The following SPAG16 variants were observed in gnomAD, a reference collection of about 807,000 sequenced individuals.
The protein encoded by SPAG16 is sperm associated antigen 16, also known as sperm-associated antigen 16 protein.
SPAG16 carries 86 observed loss-of-function variants against 80.4 expected under a neutral mutation model. That is an observed-to-expected ratio of 1.07 (90% confidence interval 0.90 to 1.28). The LOEUF is 1.28. Ranked by LOEUF, SPAG16 falls within the 50% of genes most tolerant of loss-of-function variation. The pLI is 0.00. For missense variants in SPAG16, 870 were observed against 765.3 expected (o/e 1.14, Z -1.61); for synonymous variants, 294 against 265.9 (o/e 1.11, Z -1.03).
chr2:213,837,807 A>G (rs1393267697), intron 10 of SPAG16, among the ~76,000 whole-genome samples: 1 of 152,160 alleles, frequency 6.6e-6, no homozygotes, highest in Admixed American at 6.5e-5. Context: ...GAGTCCATAT[A>G]AGAGAAAGAG....
intron 15 of SPAG16, among the ~76,000 whole-genome samples, chr2:214,338,371 G>A (rs977315205): frequency 2.6e-5 from 4 of 151,834 alleles, no homozygotes; most frequent in Non-Finnish European, 4.4e-5. Context: ...AAAATTAGTC[G>A]GGCATGGTGG....
At chr2:213,661,447 A>G (rs1040846133) in intron 10 of SPAG16, among the ~76,000 whole-genome samples, 6 of 152,200 alleles carry the variant, frequency 3.9e-5, no homozygotes, top group Non-Finnish European at 5.9e-5. Flanking sequence ...GTATTAAAGT[A>G]TTTGTATTTT....
chr2:213,426,885 G>C, intron 9 of SPAG16, among the ~76,000 whole-genome samples: 1 of 110,204 alleles, frequency 9.1e-6, no homozygotes, highest in African/African-American at 3.2e-5. Context: ...ACACACACAG[G>C]GCTACACTCT....
rs1162201771 is a variant in SPAG16 at position 213,980,450 on chromosome 2, CTA to C, written c.1401-33490_1401-33489del. ...TAGAATATATGTGTGTATATATATT[CTA>C]TATATATATAGAATATATGTGTGTA... On this transcript the variant is annotated intron_variant, in intron 12 of 15. Coordinates refer to ENST00000331683, the MANE Select transcript of SPAG16 (RefSeq NM_024532.5). Among the ~76,000 whole-genome samples, 12 of 31,736 alleles carry C rather than the reference CTA, an allele frequency of 3.8e-4. 1 individual carries two copies. Among genetic ancestry groups the C allele is most frequent in the South Asian group, 2.1e-3 (1 of 474 alleles). The allele number at this position is 31,736 out of a possible 152,430, so 20.8% of individuals were successfully genotyped here. A position where few individuals can be genotyped will look rare whatever the true frequency, so the allele number is the denominator to read the frequency against.
At chr2:214,351,132 G>A (rs6737326) in intron 15 of SPAG16, among the ~76,000 whole-genome samples, 44,549 of 151,926 alleles carry the variant, frequency 0.29, 9,956 homozygotes, top group African/African-American at 0.62. Context: ...TAATCCTTCC[G>A]TGACTAGAAA....
chr2:213,913,550 T>C (rs1173127582), intron 11 of SPAG16, among the ~76,000 whole-genome samples: 1 of 150,426 alleles, frequency 6.6e-6, no homozygotes, highest in East Asian at 1.9e-4. Flanking sequence ...ATATGTATTG[T>C]GTGTATCTCT....
intron 14 of SPAG16, among the ~76,000 whole-genome samples, chr2:214,139,488 T>A (rs1312213927): frequency 6.6e-6 from 1 of 152,120 alleles, no homozygotes; most frequent in Non-Finnish European, 1.5e-5. Flanking sequence ...TTCTCATTCA[T>A]CATATATTAA....
chr2:213,625,434 C>T (rs184986859), intron 10 of SPAG16, among the ~76,000 whole-genome samples: 13 of 151,974 alleles, frequency 8.6e-5, no homozygotes, highest in Admixed American at 4.6e-4. Context: ...ATATATATAC[C>T]GACTATGTAC....
chr2:213,998,340 C>A (rs565125503), intron 12 of SPAG16, among the ~76,000 whole-genome samples: 1 of 152,186 alleles, frequency 6.6e-6, no homozygotes, highest in East Asian at 1.9e-4. Flanking sequence ...TGGTTTCCCC[C>A]ATACTGTTCT....
intron 10 of SPAG16, among the ~76,000 whole-genome samples, chr2:213,548,024 A>G (rs899611991): frequency 1.9e-4 from 29 of 152,152 alleles, no homozygotes; most frequent in Admixed American, 9.2e-4. Context: ...GCAATCAATG[A>G]CCTATATTTA....
At chr2:213,638,017 A>G (rs1200545272) in intron 10 of SPAG16, among the ~76,000 whole-genome samples, 3 of 152,164 alleles carry the variant, frequency 2.0e-5, no homozygotes, top group African/African-American at 7.2e-5. Context: ...TTGGCCTCCC[A>G]GAGTGCTGGG....
chr2:213,841,332 A>G lies in SPAG16; in HGVS notation c.1071-21153A>G, dbSNP rs544995001. Among the ~76,000 whole-genome samples the G allele has an allele frequency of 2.0e-5, 3 of 152,314 alleles. No individual in the cohort carries two copies. In the East Asian group the frequency reaches 5.8e-4, roughly 29 times the overall value. The stretch of plus-strand genomic sequence containing the variant: ...GGCATGACATAAGGGTAGTTTGTAC[A>G]TGGTAGTGCCAGGAAAATAAGGGTT... On this transcript the variant is annotated intron_variant, in intron 10 of 15. Transcript: ENST00000331683.
At chr2:213,851,375 G>A (rs1269931880) in intron 10 of SPAG16, among the ~76,000 whole-genome samples, 3 of 152,138 alleles carry the variant, frequency 2.0e-5, no homozygotes, top group Non-Finnish European at 2.9e-5. Context: ...CGTGGTGGCG[G>A]TGGGTGCCTG....
At chr2:213,791,285 A>G (rs899891654) in intron 10 of SPAG16, among the ~76,000 whole-genome samples, 4 of 152,086 alleles carry the variant, frequency 2.6e-5, no homozygotes, top group Non-Finnish European at 5.9e-5. Flanking sequence ...AAAGAAAACT[A>G]AAGTTTGAAA....
intron 10 of SPAG16, among the ~76,000 whole-genome samples, chr2:213,847,640 A>G (rs1211045884): frequency 3.3e-5 from 5 of 152,198 alleles, no homozygotes; most frequent in African/African-American, 7.2e-5. Flanking sequence ...ACATTTCAAC[A>G]TGAGATTTGG....
intron 15 of SPAG16, among the ~76,000 whole-genome samples, chr2:214,372,639 T>A (rs1699894033): frequency 6.6e-6 from 1 of 152,224 alleles, no homozygotes; most frequent in Admixed American, 6.5e-5. Flanking sequence ...GAGGATTACA[T>A]GGATTTCAGA....
chr2:214,024,891 G>A (rs940783178), intron 13 of SPAG16, among the ~76,000 whole-genome samples: 2 of 151,604 alleles, frequency 1.3e-5, no homozygotes, highest in African/African-American at 4.8e-5. Flanking sequence ...GGAAACCCCA[G>A]TGGATTGCCT....
At chr2:214,254,451 A>G (rs1284988523) in intron 15 of SPAG16, among the ~76,000 whole-genome samples, 1 of 152,084 alleles carries the variant, frequency 6.6e-6, no homozygotes, top group Admixed American at 6.6e-5. Flanking sequence ...CTATTTTGAG[A>G]TACGTTCCGT....
intron 13 of SPAG16, among the ~76,000 whole-genome samples, chr2:214,048,854 A>G (rs927233867): frequency 6.6e-6 from 1 of 152,174 alleles, no homozygotes; most frequent in Non-Finnish European, 1.5e-5. Flanking sequence ...TAAAAAAGAA[A>G]CAAAAAAATC....
Sources: allele counts gnomAD v4.1 joint callset (sites outside exome capture counted in the v4.1 genomes callset), GRCh38; gene constraint gnomAD v4.1.1; transcripts MANE v1.5; gene names NCBI Gene and HGNC (gene_info 2026-07-23, HGNC 2026-07-21).